The following COL4A3 variants were observed in gnomAD, a reference collection of about 807,000 sequenced individuals.
The protein encoded by COL4A3 is collagen type IV alpha 3 chain, also known as collagen alpha-3(IV) chain.
In COL4A3, 135 loss-of-function variants were observed where a neutral mutation model predicts 217.4. The observed-to-expected ratio is 0.62, with a 90% CI of 0.54 to 0.72. The LOEUF (loss-of-function observed/expected upper bound fraction) is 0.72, where lower values mean the gene tolerates loss of function less well. Ranked by LOEUF, COL4A3 falls within the 30% of genes least tolerant of loss-of-function variation. The pLI is 0.00. For synonymous variants in COL4A3, 690 were observed against 736.3 expected, an observed-to-expected ratio of 0.94 and a Z score of 1.02; for missense variants, 1,868 against 2,119.9, an observed-to-expected ratio of 0.88 and a Z score of 2.33.
At chr2:227,289,324 G>T in intron 35 of COL4A3, 76 bp downstream of exon 35, 1 of 1,211,952 alleles carries the variant, frequency 8.3e-7, no homozygotes, top group Non-Finnish European at 1.2e-6. Flanking sequence ...GTTGTTTCTA[G>T]GCTTACTGGG....
intron 26 of COL4A3, among the ~76,000 whole-genome samples, chr2:227,274,625 A>C (rs1221626399): frequency 1.3e-5 from 2 of 152,114 alleles, no homozygotes; most frequent in East Asian, 3.9e-4. Context: ...CATCCTCCCA[A>C]GTAGCTGGGA....
At chr2:227,261,825 CT>C (rs34730191) in intron 20 of COL4A3, among the ~76,000 whole-genome samples, 30 of 152,292 alleles carry the variant, frequency 2.0e-4, no homozygotes, top group African/African-American at 6.5e-4. Context: ...CTACATTACA[CT>C]TTTTCTGTAA....
chr2:227,260,164 G>C (rs2070461867), intron 19 of COL4A3: 8 of 569,058 alleles, frequency 1.4e-5, no homozygotes, highest in South Asian at 1.3e-4. Context: ...GCAAGGCATT[G>C]GCAATCTCAA....
intron 2 of COL4A3, among the ~76,000 whole-genome samples, chr2:227,239,034 G>A (rs2068863478): frequency 6.6e-6 from 1 of 152,098 alleles, no homozygotes; most frequent in African/African-American, 2.4e-5. Context: ...TAAAATAGCT[G>A]ACTTGTTCTT....
intron 3 of COL4A3, among the ~76,000 whole-genome samples, chr2:227,240,494 C>G (rs539310806): frequency 6.6e-6 from 1 of 152,312 alleles, no homozygotes; most frequent in East Asian, 1.9e-4. Context: ...TGCATCTGTT[C>G]CTACCTCTAT....
At chr2:227,233,652 C>A (rs1310995523) in intron 1 of COL4A3, among the ~76,000 whole-genome samples, 2 of 152,134 alleles carry the variant, frequency 1.3e-5, no homozygotes, top group Admixed American at 1.3e-4. Context: ...ACTAAAAGTT[C>A]AAGACCCAAA....
intron 48 of COL4A3, 151 bp downstream of exon 48, chr2:227,308,070 T>C: frequency 1.3e-6 from 1 of 767,728 alleles, no homozygotes; most frequent in South Asian, 1.5e-5. Context: ...CACTGGCCTG[T>C]CTAATTTTCA....
At chr2:227,244,144 G>C (rs2069182271) in intron 3 of COL4A3, among the ~76,000 whole-genome samples, 176 bp from the exon 4 acceptor site, 1 of 152,052 alleles carries the variant, frequency 6.6e-6, no homozygotes, top group Admixed American at 6.5e-5. Context: ...TGTCTTTTCT[G>C]ATAAACAATT....
Position 227,164,794 on chromosome 2 carries a change from C to T in COL4A3, c.68C>T (p.Ala23Val). 6.6e-7 allele frequency: 1 copy of T among 1,518,940 alleles called. No individual in the cohort carries two copies. The highest frequency in any genetic ancestry group is 8.8e-7 in the Non-Finnish European group (1 of 1,140,416). 94.1% of individuals were successfully genotyped at this position (1,518,940 alleles called of 1,614,324 possible). A position where few individuals can be genotyped will look rare whatever the true frequency, so the allele number is the denominator to read the frequency against. The change falls in exon 1 of 52, where the codon GCG (alanine) becomes GTG (valine). Residue 23 changes from alanine (A) to valine (V), a missense_variant. Ala to Val is a moderately conservative substitution (Grantham distance 64). This residue lies in a region of COL4A3 where 365 missense variants were observed against 333.8 expected (regional missense o/e 1.09). Coordinates refer to ENST00000396578, the MANE Select transcript of COL4A3 (RefSeq NM_000091.5). The surrounding 1 kb of genome is among the most constrained non-coding windows in gnomAD (Gnocchi z 4.8). Reference sequence around the variant, plus strand: ...CCGCTCCTGCTGGTGCTCCTGGCGGCGGCGCCCGCAGCCAGCAAGGTGAGT... The same window carrying T: ...CCGCTCCTGCTGGTGCTCCTGGCGGTGGCGCCCGCAGCCAGCAAGGTGAGT... ...LLPLLLVLLA[A>V]APAASKGCVC...
intron 1 of COL4A3, among the ~76,000 whole-genome samples, chr2:227,193,149 A>G (rs1200180753): frequency 2.6e-5 from 4 of 152,206 alleles, no homozygotes; most frequent in African/African-American, 7.2e-5. Context: ...ACAAGGATAC[A>G]TCTTCATTCC....
chr2:227,311,727 A>C lies in COL4A3; in HGVS notation c.4929-59A>C, dbSNP rs553462262. The C allele has an allele frequency of 5.2e-6, 8 of 1,537,338 alleles. No homozygotes were observed. In the East Asian group the frequency reaches 1.8e-4, roughly 35 times the overall value. ...AAATATTCATTAATAAAACAAACTCAGCAAAAATTCCCTTTTATGCATAAA... is the reference window on the plus strand; with the variant it reads ...AAATATTCATTAATAAAACAAACTCCGCAAAAATTCCCTTTTATGCATAAA... On this transcript the variant is annotated intron_variant, in intron 51 of 51. Transcript: ENST00000396578.
Position 227,250,976 on chromosome 2 carries a change from GGCAACACTTT to G in COL4A3, c.547-163_547-154del, listed in dbSNP as rs1380527832. On this transcript the variant is annotated intron_variant, in intron 9 of 51. Transcript: ENST00000396578. The surrounding 1 kb of genome is among the most constrained non-coding windows in gnomAD (Gnocchi z 4.1). ...TTGGTCCTGCCAGCCTGTTACACAT[GGCAACACTTT>G]TTGATGTTTGTTATCATTAGCTGCA... is the stretch of plus-strand genomic sequence containing the variant. Among the ~76,000 whole-genome samples, 10 of 152,240 alleles carry G rather than the reference GGCAACACTTT, an allele frequency of 6.6e-5. No individual in the cohort carries two copies. Among genetic ancestry groups the G allele is most frequent in the African/African-American group, 2.4e-4 (10 of 41,476 alleles).
Position 227,267,017 on chromosome 2 carries a change from A to C in COL4A3, c.1433A>C (p.Gln478Pro). 1 of 1,613,980 alleles carries C rather than the reference A, an allele frequency of 6.2e-7. No individual in the cohort carries two copies. Among genetic ancestry groups the C allele is most frequent in the Non-Finnish European group, 8.5e-7 (1 of 1,179,860 alleles). ...GGAGAACCAGGCCTCCTGTGTACAC[A>C]GTGCCCTTATATCCCAGGGCCTCCC... is the stretch of plus-strand genomic sequence containing the variant. The part of the protein sequence containing the change: ...PKGEPGLLCT[Q>P]CPYIPGPPGL... The change falls in exon 23 of 52, where the codon CAG becomes CCG. Residue 478 changes from glutamine to proline, a missense_variant. Gln to Pro is a moderately conservative substitution (Grantham distance 76, BLOSUM62 -1). Coordinates refer to ENST00000396578, the MANE Select transcript of COL4A3 (RefSeq NM_000091.5).
At chr2:227,202,749 AT>A (rs1559819201) in intron 1 of COL4A3, among the ~76,000 whole-genome samples, 482 of 10,092 alleles carry the variant, frequency 0.048, 26 homozygotes, top group African/African-American at 0.17. Flanking sequence ...AAAAAAAAAT[AT>A]ATATATATAT....
At chr2:227,301,826 C>G (rs1437412619) in intron 43 of COL4A3, 1 of 152,244 alleles carries the variant, frequency 6.6e-6, no homozygotes, top group Non-Finnish European at 1.5e-5. Context: ...ACATCAGAAG[C>G]CAGCAAGTCC....
At chr2:227,311,380 C>CTTTTTTTTTTTTTTT (rs11286889) in intron 51 of COL4A3, among the ~76,000 whole-genome samples, 1 of 141,742 alleles carries the variant, frequency 7.1e-6, no homozygotes. Context: ...AATTTCTCTC[C>CTTTTTTTTTTTTTTT]TTTTTTTTTT....
At position 227,312,729 on chromosome 2, in the gene COL4A3, T is replaced by C. The variant is rs929451859; in HGVS notation, c.*859T>C. 1 of 152,666 alleles carries C rather than the reference T, an allele frequency of 6.6e-6. No homozygotes were observed. Among genetic ancestry groups the C allele is most frequent in the African/African-American group, 2.4e-5 (1 of 41,466 alleles). The allele number at this position is 152,666 out of a possible 1,614,324, so 9.5% of individuals were successfully genotyped here. ...ACACAAATAACAAGAATACTACTTA[T>C]GAAATGTGCACTTTATCCTCATTCC... On this transcript the variant is annotated 3_prime_UTR_variant, in exon 52 of 52. Coordinates refer to ENST00000396578, the MANE Select transcript of COL4A3 (RefSeq NM_000091.5).
At chr2:227,167,400 G>A (rs959798247) in intron 1 of COL4A3, among the ~76,000 whole-genome samples, 3 of 152,176 alleles carry the variant, frequency 2.0e-5, no homozygotes, top group Admixed American at 6.5e-5. Context: ...GCTGCCCAGC[G>A]CATCCCCAGG....
rs570002309 is a variant in COL4A3, at chr2:227,203,923, C to T, written c.88-34045C>T. Among the ~76,000 whole-genome samples, 85 of 152,080 alleles carry T rather than the reference C, an allele frequency of 5.6e-4. 1 individual carries two copies. Among genetic ancestry groups the T allele is most frequent in the African/African-American group, 2.0e-3 (81 of 41,488 alleles). ...AGCCTCTTAAGCATGAGAATTTTGT[C>T]TAATGTCAATTGCTGGATTCCCAGC... On this transcript the variant is annotated intron_variant, in intron 1 of 51. Coordinates refer to ENST00000396578, the MANE Select transcript of COL4A3 (RefSeq NM_000091.5).
Sources: allele counts gnomAD v4.1 joint callset (sites outside exome capture counted in the v4.1 genomes callset), GRCh38; gene constraint gnomAD v4.1.1; regional missense constraint gnomAD v4.1.1; non-coding constraint Gnocchi (gnomAD v3.1); transcripts MANE v1.5; gene names NCBI Gene and HGNC (gene_info 2026-07-23, HGNC 2026-07-21).